The following LYZL2 variants were observed in gnomAD, a reference collection of about 807,000 sequenced individuals.
The protein encoded by LYZL2 is lysozyme like 2.
In LYZL2, 13 loss-of-function variants were observed where a neutral mutation model predicts 17.1. The ratio of observed to expected loss-of-function variants is 0.76; its 90% confidence interval spans 0.49 to 1.21. LYZL2 has a LOEUF of 1.21. Among genes scored for constraint, LYZL2 ranks in the 50% most tolerant of loss-of-function variants. The pLI, the probability that LYZL2 is intolerant of heterozygous loss-of-function variation, is 0.00. For synonymous variants in LYZL2, 63 were observed against 74.4 expected (o/e 0.85, Z 0.79); for missense variants, 166 against 189.2 (o/e 0.88, Z 0.72).
intron 3 of LYZL2, among the ~76,000 whole-genome samples, chr10:30,617,819 G>C (rs536952102): frequency 2.0e-5 from 3 of 152,000 alleles, no homozygotes; most frequent in African/African-American, 7.2e-5. Context: ...TGGAAGTTCT[G>C]GCCAGGGCAA....
At chr10:30,619,835 A>T (rs1838592484) in intron 3 of LYZL2, among the ~76,000 whole-genome samples, 1 of 152,202 alleles carries the variant, frequency 6.6e-6, no homozygotes, top group Non-Finnish European at 1.5e-5. Flanking sequence ...AATAATAAAA[A>T]AATTAAAAAA....
chr10:30,627,872 C>T (rs1206727833), intron 1 of LYZL2, among the ~76,000 whole-genome samples: 1 of 152,196 alleles, frequency 6.6e-6, no homozygotes, highest in Non-Finnish European at 1.5e-5. Context: ...TAAGATTCAT[C>T]GTCTAGGCCA....
At chr10:30,616,976 T>G (rs1838537825) in intron 3 of LYZL2, among the ~76,000 whole-genome samples, 1 of 152,214 alleles carries the variant, frequency 6.6e-6, no homozygotes, top group Non-Finnish European at 1.5e-5. Flanking sequence ...ACCTGATATA[T>G]GTTCAAATTA....
intron 1 of LYZL2, among the ~76,000 whole-genome samples, chr10:30,628,263 G>T (rs1838752000): frequency 1.3e-5 from 2 of 152,230 alleles, no homozygotes; most frequent in East Asian, 3.9e-4. Context: ...TGGGAGCATT[G>T]CTTCCAAAGT....
chr10:30,611,554 GGAAGGAAGGAAGGAAGGAAAGAAA>G (rs1345826294), downstream of LYZL2, among the ~76,000 whole-genome samples: 81 of 85,434 alleles, frequency 9.5e-4, no homozygotes, highest in East Asian at 1.2e-3. Flanking sequence ...AAGGAAGGAA[GGAAGGAAGGAAGGAAGGAAAGAAA>G]GAAAGAAAGA....
chr10:30,612,954 C>T (rs1838468506), intron 3 of LYZL2, 54 bp from the exon 4 acceptor site: 3 of 1,385,076 alleles, frequency 2.2e-6, no homozygotes, highest in Non-Finnish European at 3.1e-6. Context: ...TGGAGAGGGA[C>T]CCCAACTCAA....
At chr10:30,606,526 T>C in the LYZL2 span, among the ~76,000 whole-genome samples, 1 of 152,072 alleles carries the variant, frequency 6.6e-6, no homozygotes, top group Non-Finnish European at 1.5e-5. Context: ...GCTGAATTAG[T>C]CACCAACGCT....
At chr10:30,621,173 A>G (rs1237308731) in intron 3 of LYZL2, among the ~76,000 whole-genome samples, 1 of 152,224 alleles carries the variant, frequency 6.6e-6, no homozygotes, top group Non-Finnish European at 1.5e-5. Context: ...ACAAAGAGAA[A>G]ATCTTAAAAA....
intron 3 of LYZL2, among the ~76,000 whole-genome samples, chr10:30,614,418 C>T (rs1412724218): frequency 9.2e-5 from 14 of 152,216 alleles, no homozygotes; most frequent in Non-Finnish European, 1.8e-4. Flanking sequence ...CTGCCTCACA[C>T]GTCAATGGGT....
chr10:30,610,556 A>T (rs573557074), downstream of LYZL2, among the ~76,000 whole-genome samples: 3 of 152,228 alleles, frequency 2.0e-5, no homozygotes, highest in East Asian at 3.9e-4. Context: ...GGGTTGGGGG[A>T]AAGGAGACGG....
intron 3 of LYZL2, among the ~76,000 whole-genome samples, 179 bp from the exon 4 acceptor site, chr10:30,613,079 G>C (rs1838470608): frequency 6.6e-6 from 1 of 152,170 alleles, no homozygotes; most frequent in African/African-American, 2.4e-5. Flanking sequence ...AAAGAACTTT[G>C]CTTTTGTTTT....
At chr10:30,619,525 T>C (rs1838586709) in intron 3 of LYZL2, among the ~76,000 whole-genome samples, 1 of 151,952 alleles carries the variant, frequency 6.6e-6, no homozygotes, top group South Asian at 2.1e-4. Context: ...ATGTCCTTTG[T>C]AGGGACATGG....
At chr10:30,623,327 G>C (rs185525600) in intron 3 of LYZL2, among the ~76,000 whole-genome samples, 2 of 151,892 alleles carry the variant, frequency 1.3e-5, no homozygotes, top group African/African-American at 4.8e-5. Context: ...CACATTCACC[G>C]TAAGACACAT....
the LYZL2 span, among the ~76,000 whole-genome samples, chr10:30,606,370 T>C: frequency 1.3e-5 from 2 of 149,642 alleles, no homozygotes; most frequent in East Asian, 3.9e-4. Context: ...TTTTTTTTTT[T>C]AGAGATAGGG....
At chr10:30,619,738 TA>T (rs1261966602) in intron 3 of LYZL2, among the ~76,000 whole-genome samples, 1 of 151,864 alleles carries the variant, frequency 6.6e-6, no homozygotes, top group Non-Finnish European at 1.5e-5. Context: ...AATGAGGAGT[TA>T]ATGAGTGCAG....
chr10:30,624,020 C>T (rs376284775), intron 3 of LYZL2, among the ~76,000 whole-genome samples: 15 of 152,332 alleles, frequency 9.8e-5, no homozygotes, highest in African/African-American at 3.6e-4. Flanking sequence ...TCTCCCTCAT[C>T]GAGTCCCTTG....
At chr10:30,628,577 G>C (rs1330248158) in intron 1 of LYZL2, among the ~76,000 whole-genome samples, 1 of 152,222 alleles carries the variant, frequency 6.6e-6, no homozygotes, top group Non-Finnish European at 1.5e-5. Flanking sequence ...ATGGGGTGAA[G>C]TGAAATTTCT....
intron 3 of LYZL2, among the ~76,000 whole-genome samples, chr10:30,617,379 T>C (rs991007973): frequency 1.3e-5 from 2 of 152,032 alleles, no homozygotes; most frequent in Non-Finnish European, 2.9e-5. Flanking sequence ...CTGAATTTCC[T>C]TAGGAAAGTA....
intron 3 of LYZL2, among the ~76,000 whole-genome samples, chr10:30,615,238 C>T (rs1838509027): frequency 6.6e-6 from 1 of 152,176 alleles, no homozygotes; most frequent in Non-Finnish European, 1.5e-5. Context: ...TTTGCAACAA[C>T]ATGGAAGAAC....
Sources: allele counts gnomAD v4.1 joint callset (sites outside exome capture counted in the v4.1 genomes callset), GRCh38; gene constraint gnomAD v4.1.1; transcripts MANE v1.5; gene names NCBI Gene and HGNC (gene_info 2026-07-23, HGNC 2026-07-21).